The following SETBP1 variants were observed in gnomAD, a reference collection of about 807,000 sequenced individuals.
SETBP1 encodes the protein SET binding protein 1.
In SETBP1, 9 loss-of-function variants were observed where a neutral mutation model predicts 101.0. The observed-to-expected ratio is 0.09, with a 90% CI of 0.05 to 0.16. SETBP1 has a LOEUF of 0.16. Ranked by LOEUF, SETBP1 falls within the 10% of genes least tolerant of loss-of-function variation. SETBP1 has a pLI of 1.00. For synonymous variants in SETBP1, 818 were observed against 788.5 expected, an observed-to-expected ratio of 1.04 and a Z score of -0.63; for missense variants, 1,858 against 2,033.8, an observed-to-expected ratio of 0.91 and a Z score of 1.66.
intron 2 of SETBP1, among the ~76,000 whole-genome samples, chr18:44,800,460 G>A (rs11082410): frequency 3.9e-5 from 6 of 151,968 alleles, no homozygotes; most frequent in African/African-American, 7.2e-5. Flanking sequence ...TTCCGAGCAC[G>A]GATCCGACAA....
chr18:44,901,490 G>A (rs2070044197), intron 3 of SETBP1, among the ~76,000 whole-genome samples: 1 of 152,186 alleles, frequency 6.6e-6, no homozygotes, highest in African/African-American at 2.4e-5. Context: ...CCGAGGGGCA[G>A]CACTTCAGCC....
intron 2 of SETBP1, 127 bp from the exon 3 acceptor site, chr18:44,869,103 C>A (rs1348868475): frequency 1.2e-6 from 1 of 817,750 alleles, no homozygotes; most frequent in African/African-American, 1.7e-5. Context: ...CTCACATTTG[C>A]CTTCTGCGAT....
chr18:44,977,576 G>A (rs2072019003), intron 4 of SETBP1, among the ~76,000 whole-genome samples: 1 of 152,262 alleles, frequency 6.6e-6, no homozygotes, highest in African/African-American at 2.4e-5. Context: ...AGTGTTGCCT[G>A]AACATTGACT....
At chr18:44,795,733 A>G (rs1342849012) in intron 2 of SETBP1, among the ~76,000 whole-genome samples, 1 of 152,358 alleles carries the variant, frequency 6.6e-6, no homozygotes, top group South Asian at 2.1e-4. Context: ...AAATCACCAT[A>G]CAGATACAAA....
At chr18:44,962,536 A>G (rs931038632) in intron 4 of SETBP1, among the ~76,000 whole-genome samples, 4 of 152,286 alleles carry the variant, frequency 2.6e-5, no homozygotes, top group African/African-American at 9.6e-5. Flanking sequence ...CCATCAGGAG[A>G]CAAGAGATGG....
At chr18:44,806,567 A>ACGTTTT (rs1264827549) in intron 2 of SETBP1, among the ~76,000 whole-genome samples, 1 of 130,508 alleles carries the variant, frequency 7.7e-6, no homozygotes, top group Middle Eastern at 6.2e-3. Flanking sequence ...AAACTAGCCT[A>ACGTTTT]CGTTTTCTGA....
chr18:45,019,851 C>T (rs754957587), intron 4 of SETBP1, among the ~76,000 whole-genome samples: 5 of 151,982 alleles, frequency 3.3e-5, no homozygotes, highest in Admixed American at 6.6e-5. Context: ...TTCTCTCTGC[C>T]GGTTTTTGGA....
chr18:44,781,452 T>TCTCTCTCC (rs2071128111), intron 2 of SETBP1, among the ~76,000 whole-genome samples: 1 of 150,004 alleles, frequency 6.7e-6, no homozygotes, highest in Admixed American at 6.7e-5. Context: ...TGCACCGCTC[T>TCTCTCTCC]CTCTCTCTCT....
intron 1 of SETBP1, among the ~76,000 whole-genome samples, chr18:44,688,213 A>G (rs146344885): frequency 3.2e-4 from 49 of 152,332 alleles, no homozygotes; most frequent in African/African-American, 1.2e-3. Context: ...TTTAGTAAAC[A>G]GCAATTTCTT....
At chr18:45,003,521 TTACTC>T (rs1268826564) in intron 4 of SETBP1, among the ~76,000 whole-genome samples, 3 of 152,150 alleles carry the variant, frequency 2.0e-5, no homozygotes, top group Non-Finnish European at 4.4e-5. Flanking sequence ...TGGGCAATAT[TTACTC>T]TAGGCATGGC....
intron 3 of SETBP1, among the ~76,000 whole-genome samples, chr18:44,928,161 T>C (rs2144972823): frequency 6.6e-6 from 1 of 152,292 alleles, no homozygotes; most frequent in South Asian, 2.1e-4. Context: ...TTCCCACCTA[T>C]GGGGGAGAAC....
chr18:44,750,922 G>T (rs1440820737), intron 2 of SETBP1, among the ~76,000 whole-genome samples: 1 of 152,188 alleles, frequency 6.6e-6, no homozygotes, highest in Non-Finnish European at 1.5e-5. Context: ...GTAGGACGTG[G>T]CTCTTTGGGG....
At chr18:44,925,462 T>A (rs16978234) in intron 3 of SETBP1, among the ~76,000 whole-genome samples, 1 of 152,178 alleles carries the variant, frequency 6.6e-6, no homozygotes, top group Non-Finnish European at 1.5e-5. Context: ...TAAAACCTGC[T>A]TTTGGAGCTA....
chr18:44,767,993 T>A (rs888042265), intron 2 of SETBP1, among the ~76,000 whole-genome samples: 3 of 152,252 alleles, frequency 2.0e-5, no homozygotes, highest in African/African-American at 7.2e-5. Flanking sequence ...ACATTACTTG[T>A]TCTAATGGTT....
Position 44,950,173 on chromosome 18 carries a change from C to T in SETBP1, c.833C>T (p.Ser278Phe). 6.2e-7 allele frequency: 1 copy of T among 1,613,890 alleles called. No homozygotes were observed. The highest frequency in any genetic ancestry group is 8.5e-7 in the Non-Finnish European group (1 of 1,180,048). ...GCAGGGAACACGTGGAGTCAGTTGT[C>T]TAACAATAACAAAGATCTGCTCTTG... The part of the protein sequence containing the change: ...GSAGNTWSQL[S>F]NNNKDLLLGG... Residue 278 changes from serine (S) to phenylalanine (F), a missense_variant, in exon 4 of 6, where the codon TCT (serine) becomes TTT (phenylalanine). Coordinates refer to ENST00000649279, the MANE Select transcript of SETBP1 (RefSeq NM_015559.3).
chr18:44,721,753 C>G (rs939296736), intron 2 of SETBP1, among the ~76,000 whole-genome samples: 2 of 152,110 alleles, frequency 1.3e-5, no homozygotes, highest in Non-Finnish European at 2.9e-5. Flanking sequence ...TGAAAAGGAA[C>G]AAGAATGCAT....
At chr18:44,727,568 A>G (rs1236805153) in intron 2 of SETBP1, among the ~76,000 whole-genome samples, 1 of 152,172 alleles carries the variant, frequency 6.6e-6, no homozygotes, top group African/African-American at 2.4e-5. Flanking sequence ...AGATGTCCAG[A>G]ATGTTCCCTT....
intron 2 of SETBP1, among the ~76,000 whole-genome samples, chr18:44,794,718 G>A (rs999265631): frequency 1.2e-4 from 19 of 152,248 alleles, no homozygotes. Context: ...ATAAACAACA[G>A]GAAGATTTGC....
At chr18:44,980,493 A>G (rs1036693836) in intron 4 of SETBP1, among the ~76,000 whole-genome samples, 1 of 152,146 alleles carries the variant, frequency 6.6e-6, no homozygotes, top group Non-Finnish European at 1.5e-5. Flanking sequence ...TTAAAAAAAA[A>G]AAAAATCTAG....
Sources: gnomAD v4.1 joint callset for allele counts (sites outside exome capture counted in the v4.1 genomes callset) on GRCh38, gnomAD v4.1.1 for gene constraint, MANE v1.5 for transcripts, NCBI Gene and HGNC (gene_info 2026-07-23, HGNC 2026-07-21) for gene names.